SMYD4: variants seen among roughly 807,000 people sequenced by gnomAD.
SMYD4 encodes the protein protein-lysine N-methyltransferase SMYD4.
SMYD4 carries 68 observed loss-of-function variants against 72.8 expected under a neutral mutation model. The ratio of observed to expected loss-of-function variants is 0.93; its 90% CI spans 0.77 to 1.14. The LOEUF is 1.14. Among genes scored for constraint, SMYD4 ranks in the 50% most tolerant of loss-of-function variants. The probability of loss-of-function intolerance (pLI) is 0.00; values close to 1 mark genes in which losing one functional copy is unlikely to be tolerated. For synonymous variants in SMYD4, 407 were observed against 388.6 expected, an observed-to-expected ratio of 1.05 and a Z score of -0.56; for missense variants, 984 against 1,003.7, an observed-to-expected ratio of 0.98 and a Z score of 0.27.
At chr17:1,815,299 T>A (rs913769406) in intron 2 of SMYD4, among the ~76,000 whole-genome samples, 2 of 152,078 alleles carry the variant, frequency 1.3e-5, no homozygotes, top group African/African-American at 4.8e-5. Context: ...CCTAACCTCA[T>A]GATCCACCCG....
rs751208484 is a variant in SMYD4, at chr17:1,781,386, G to A, written c.2315C>T (p.Ser772Leu). 48 of 1,613,974 alleles carry A rather than the reference G, an allele frequency of 3.0e-5. No individual in the cohort carries two copies. Among genetic ancestry groups the A allele is most frequent in the African/African-American group, 5.3e-5 (4 of 74,912 alleles). The change falls in exon 11 of 11, where the codon TCG becomes TTG. Residue 772 changes from serine (S) to leucine (L), a missense_variant. Physicochemically the swap from Ser to Leu is moderately radical, Grantham distance 145. Coordinates refer to ENST00000305513, the MANE Select transcript of SMYD4 (RefSeq NM_052928.3). The stretch of plus-strand genomic sequence containing the variant: ...ATCGTCCCATGGGCCACAGTGCAGC[G>A]ACAGAACCTCCTCAGCTTTCTGTAT... ...STIQKAEEVL[S>L]LHCGPWDDEI...
At chr17:1,815,142 C>T (rs553911587) in intron 2 of SMYD4, among the ~76,000 whole-genome samples, 148 of 152,024 alleles carry the variant, frequency 9.7e-4, no homozygotes, top group African/African-American at 3.4e-3. Context: ...CGGCTCACTG[C>T]AACATCTGCC....
intron 3 of SMYD4, among the ~76,000 whole-genome samples, chr17:1,808,128 C>A (rs1372739916): frequency 1.3e-5 from 2 of 152,274 alleles, no homozygotes; most frequent in African/African-American, 4.8e-5. Context: ...CCAGCAATTA[C>A]CCTTCTAGGA....
intron 7 of SMYD4, 54 bp from the exon 8 acceptor site, chr17:1,784,515 G>A (rs750593920): frequency 3.8e-5 from 61 of 1,607,642 alleles, no homozygotes; most frequent in Non-Finnish European, 5.0e-5. Flanking sequence ...TATCAACACC[G>A]CCTGTGCTTA....
chr17:1,814,601 A>G (rs527816076), intron 2 of SMYD4: 2 of 152,206 alleles, frequency 1.3e-5, no homozygotes, highest in East Asian at 3.9e-4. Flanking sequence ...CGAGGTGGGC[A>G]GGTCACCTGG....
chr17:1,824,754 C>G (rs6503000), intron 2 of SMYD4, among the ~76,000 whole-genome samples: 98,701 of 151,854 alleles, frequency 0.65, 33,825 homozygotes, highest in Non-Finnish European at 0.79. Context: ...TGAGTAGGTG[C>G]GGTTACAGGC....
At chr17:1,806,984 G>T (rs552960162) in intron 3 of SMYD4, among the ~76,000 whole-genome samples, 1 of 151,908 alleles carries the variant, frequency 6.6e-6, no homozygotes, top group South Asian at 2.1e-4. Flanking sequence ...TCCGCCTCCC[G>T]GGTTCAAGCG....
At chr17:1,822,790 T>C (rs1407725151) in intron 2 of SMYD4, among the ~76,000 whole-genome samples, 1 of 152,114 alleles carries the variant, frequency 6.6e-6, no homozygotes, top group African/African-American at 2.4e-5. Context: ...TCTTACCTTT[T>C]ATTTACACCA....
chr17:1,826,718 A>T (rs1463442098), intron 2 of SMYD4, among the ~76,000 whole-genome samples: 1 of 152,174 alleles, frequency 6.6e-6, no homozygotes, highest in African/African-American at 2.4e-5. Context: ...CAAATATATA[A>T]GGTTCTGCTT....
At chr17:1,784,634 G>T in intron 7 of SMYD4, 173 bp from the exon 8 acceptor site, 1 of 930,836 alleles carries the variant, frequency 1.1e-6, no homozygotes. Flanking sequence ...GGCAATGGCG[G>T]CAATTCTAAT....
chr17:1,807,950 A>C (rs1910128858), intron 3 of SMYD4, among the ~76,000 whole-genome samples: 1 of 152,170 alleles, frequency 6.6e-6, no homozygotes, highest in Non-Finnish European at 1.5e-5. Flanking sequence ...CCCTCCTCAC[A>C]AATAAATCGA....
At chr17:1,815,706 G>GTTTT (rs112578899) in intron 2 of SMYD4, among the ~76,000 whole-genome samples, 1 of 145,406 alleles carries the variant, frequency 6.9e-6, no homozygotes, top group Non-Finnish European at 1.5e-5. Context: ...GCAATCTAAT[G>GTTTT]TTTTTTTTTT....
chr17:1,816,453 T>G (rs1382085998), intron 2 of SMYD4, among the ~76,000 whole-genome samples: 1 of 151,558 alleles, frequency 6.6e-6, no homozygotes, highest in Non-Finnish European at 1.5e-5. Context: ...CCCCCGTCTC[T>G]ACCAAAAATA....
At chr17:1,811,469 C>T (rs1597389872) in intron 3 of SMYD4, among the ~76,000 whole-genome samples, 1 of 152,210 alleles carries the variant, frequency 6.6e-6, no homozygotes, top group Non-Finnish European at 1.5e-5. Context: ...GGGTGTGAAC[C>T]ACTGTGCTGG....
At chr17:1,801,751 C>T (rs1009548420) in intron 4 of SMYD4, among the ~76,000 whole-genome samples, 7 of 150,998 alleles carry the variant, frequency 4.6e-5, no homozygotes, top group African/African-American at 1.5e-4. Flanking sequence ...CCGAGGCGAG[C>T]AGATCACGAG....
chr17:1,825,490 G>T (rs1320211324), intron 2 of SMYD4, among the ~76,000 whole-genome samples: 1 of 149,990 alleles, frequency 6.7e-6, no homozygotes, highest in African/African-American at 2.5e-5. Flanking sequence ...TTTTTATACA[G>T]CCATATCTGT....
intron 5 of SMYD4, among the ~76,000 whole-genome samples, chr17:1,795,617 A>G (rs1046760885): frequency 4.0e-5 from 6 of 151,198 alleles, no homozygotes; most frequent in African/African-American, 1.5e-4. Flanking sequence ...TAATTTTTGT[A>G]TTTTTAATAG....
At position 1,783,454 on chromosome 17, in the gene SMYD4, C is replaced by T. The variant is rs138315300; in HGVS notation, c.2043G>A (p.Ser681=). The part of the protein sequence containing the change: ...GELERAVQRL[S]GCQRDAESFL... The stretch of plus-strand genomic sequence containing the variant: ...AGCTCTCGGCGTCACGCTGGCACCC[C>T]GACAGCCGCTGAACAGCTCGCTCTG... The change falls in exon 9 of 11, where the codon TCG becomes TCA. Residue 681 remains serine, a synonymous_variant. Coordinates refer to ENST00000305513, the MANE Select transcript of SMYD4 (RefSeq NM_052928.3). 8.7e-6 allele frequency: 14 copies of T among 1,610,724 alleles called. No individual in the cohort carries two copies. The African/African-American group carries it at 9.3e-5, about 11-fold the overall frequency.
intron 3 of SMYD4, 40 bp from the exon 4 acceptor site, chr17:1,804,755 C>G: frequency 1.9e-6 from 3 of 1,588,692 alleles, no homozygotes; most frequent in Non-Finnish European, 2.6e-6. Context: ...AAATGGACAC[C>G]AGCATCTCTG....
Sources: allele counts gnomAD v4.1 joint callset (sites outside exome capture counted in the v4.1 genomes callset), GRCh38; gene constraint gnomAD v4.1.1; transcripts MANE v1.5; gene names NCBI Gene and HGNC (gene_info 2026-07-23, HGNC 2026-07-21).